PLCB1: variants seen among roughly 807,000 people sequenced by gnomAD.
PLCB1 encodes 1-phosphatidylinositol 4,5-bisphosphate phosphodiesterase beta-1.
Under a neutral mutation model 161.8 loss-of-function variants are expected in PLCB1, and 46 were observed. The ratio of observed to expected loss-of-function variants is 0.28; its 90% CI spans 0.22 to 0.36. The LOEUF is 0.36. PLCB1 is among the 10% of genes least tolerant of loss of function. PLCB1 has a pLI of 1.00. For missense variants in PLCB1, 1,016 were observed against 1,472.5 expected (o/e 0.69, Z 5.07); for synonymous variants, 517 against 503.7 (o/e 1.03, Z -0.35).
intron 31 of PLCB1, among the ~76,000 whole-genome samples, chr20:8,877,367 A>G (rs1204708122): frequency 6.6e-6 from 1 of 152,220 alleles, no homozygotes; most frequent in African/African-American, 2.4e-5. Context: ...TAAATTCTCC[A>G]TGAGCCCAGT....
At chr20:8,739,201 T>C in intron 20 of PLCB1, 60 bp from the exon 21 acceptor site, 1 of 998,602 alleles carries the variant, frequency 1.0e-6, no homozygotes, top group East Asian at 2.4e-5. Flanking sequence ...AATACCTTTC[T>C]AATTATTTCT....
intron 31 of PLCB1, among the ~76,000 whole-genome samples, chr20:8,808,840 T>A (rs1984669954): frequency 1.3e-5 from 2 of 152,234 alleles, no homozygotes; most frequent in South Asian, 4.1e-4. Context: ...GAGTCCATTT[T>A]AAAATTTTTC....
intron 3 of PLCB1, among the ~76,000 whole-genome samples, chr20:8,582,358 C>T (rs994398282): frequency 7.9e-5 from 12 of 152,206 alleles, no homozygotes; most frequent in East Asian, 7.7e-4. Flanking sequence ...AATAGTGGCC[C>T]GTAGCCCATG....
At chr20:8,133,296 T>G (rs1276654801) in intron 1 of PLCB1, among the ~76,000 whole-genome samples, 1 of 152,042 alleles carries the variant, frequency 6.6e-6, no homozygotes, top group African/African-American at 2.4e-5. Flanking sequence ...ATGCCAAACT[T>G]CAGCGCCTGG....
chr20:8,698,126 G>T (rs1990620805), intron 11 of PLCB1, among the ~76,000 whole-genome samples: 1 of 152,088 alleles, frequency 6.6e-6, no homozygotes, highest in Non-Finnish European at 1.5e-5. Flanking sequence ...TTAACTAATG[G>T]CTATAAAGTA....
intron 3 of PLCB1, among the ~76,000 whole-genome samples, chr20:8,405,579 GCAAT>G (rs1417955488): frequency 2.0e-5 from 3 of 152,134 alleles, no homozygotes; most frequent in Non-Finnish European, 4.4e-5. Context: ...GGCCACTTTT[GCAAT>G]CAATCTACCC....
intron 9 of PLCB1, among the ~76,000 whole-genome samples, chr20:8,678,937 C>T (rs926575839): frequency 2.0e-5 from 3 of 152,166 alleles, no homozygotes; most frequent in Admixed American, 1.3e-4. Flanking sequence ...CAAACTCTTT[C>T]GTGTTATATG....
intron 3 of PLCB1, among the ~76,000 whole-genome samples, chr20:8,502,718 A>G (rs956070806): frequency 3.9e-5 from 6 of 152,146 alleles, no homozygotes; most frequent in Admixed American, 1.3e-4. Flanking sequence ...TTTGTTCTGC[A>G]TGCACCTTTG....
chr20:8,865,102 C>G (rs984097704), intron 31 of PLCB1, among the ~76,000 whole-genome samples: 2 of 152,138 alleles, frequency 1.3e-5, no homozygotes, highest in African/African-American at 2.4e-5. Context: ...GCCATAGATT[C>G]TGTATATACC....
intron 2 of PLCB1, among the ~76,000 whole-genome samples, chr20:8,276,805 A>G (rs910081400): frequency 2.0e-5 from 3 of 151,940 alleles, no homozygotes; most frequent in African/African-American, 7.2e-5. Context: ...TAAAGGATTC[A>G]TATATACAAC....
chr20:8,871,064 T>A (rs550587725), intron 31 of PLCB1, among the ~76,000 whole-genome samples: 9 of 152,346 alleles, frequency 5.9e-5, no homozygotes, highest in African/African-American at 2.2e-4. Flanking sequence ...AGATTTTGTA[T>A]GTACATTACC....
chr20:8,557,076 G>C (rs1396525102), intron 3 of PLCB1, among the ~76,000 whole-genome samples: 3 of 151,566 alleles, frequency 2.0e-5, no homozygotes, highest in Non-Finnish European at 4.4e-5. Context: ...GAGGGAAACT[G>C]TAACCCATGT....
In PLCB1 at chr20:8,715,147, C is replaced by T. The variant is rs181769501; in HGVS notation, c.1251-1117C>T. 4.6e-5 allele frequency among the ~76,000 whole-genome samples: 7 copies of T among 152,200 alleles called. No individual in the cohort carries two copies. The East Asian group carries it at 1.4e-3, about 29-fold the overall frequency. The stretch of plus-strand genomic sequence containing the variant: ...AGAGATAACTATTGGAAATCAAGTT[C>T]GACAGACTGTAGATCAAATTCAAAA... On this transcript the variant is annotated intron_variant, in intron 12 of 31. Transcript: ENST00000338037.
chr20:8,569,561 T>C (rs1568512144), intron 3 of PLCB1, among the ~76,000 whole-genome samples: 1 of 152,144 alleles, frequency 6.6e-6, no homozygotes, highest in Non-Finnish European at 1.5e-5. Context: ...GATATAAGTA[T>C]GAAAGAAACG....
intron 12 of PLCB1, among the ~76,000 whole-genome samples, chr20:8,715,581 C>T (rs1035252630): frequency 6.6e-6 from 1 of 152,186 alleles, no homozygotes; most frequent in African/African-American, 2.4e-5. Context: ...CAGGTCCCTA[C>T]TGGCAATATA....
intron 3 of PLCB1, among the ~76,000 whole-genome samples, chr20:8,428,546 T>C (rs926361686): frequency 1.1e-4 from 16 of 152,210 alleles, no homozygotes; most frequent in Admixed American, 9.2e-4. Flanking sequence ...TATAGATGTG[T>C]TTACATAAAA....
intron 2 of PLCB1, among the ~76,000 whole-genome samples, chr20:8,171,832 C>A (rs1025462920): frequency 4.6e-5 from 7 of 152,172 alleles, no homozygotes; most frequent in African/African-American, 7.2e-5. Flanking sequence ...GAGCAGGTTA[C>A]TTTCTCATTG....
At chr20:8,160,935 A>G (rs916037284) in intron 2 of PLCB1, among the ~76,000 whole-genome samples, 1 of 152,172 alleles carries the variant, frequency 6.6e-6, no homozygotes, top group African/African-American at 2.4e-5. Context: ...CAAACTTTGA[A>G]CAACTGACTT....
intron 3 of PLCB1, among the ~76,000 whole-genome samples, chr20:8,511,617 A>C (rs1487138357): frequency 3.3e-5 from 5 of 152,126 alleles, no homozygotes; most frequent in African/African-American, 4.8e-5. Flanking sequence ...CTAATTGGCT[A>C]TACTAGTTTA....
Sources: allele counts gnomAD v4.1 joint callset (sites outside exome capture counted in the v4.1 genomes callset), GRCh38; gene constraint gnomAD v4.1.1; transcripts MANE v1.5; gene names NCBI Gene and HGNC (gene_info 2026-07-23, HGNC 2026-07-21).